Variants in ITPKB observed in about 807,000 individuals in gnomAD.
ITPKB encodes the protein inositol-trisphosphate 3-kinase B.
Under a neutral mutation model 69.4 loss-of-function variants are expected in ITPKB, and 13 were observed. The observed-to-expected ratio is 0.19, with a 90% CI of 0.12 to 0.30. The LOEUF (loss-of-function observed/expected upper bound fraction) is 0.30. ITPKB is among the 10% of genes least tolerant of loss of function. The pLI, the probability that ITPKB is intolerant of heterozygous loss-of-function variation, is 1.00. For synonymous variants in ITPKB, 584 were observed against 513.7 expected (o/e 1.14, Z -1.85); for missense variants, 1,240 against 1,250.5 (o/e 0.99, Z 0.13).
At chr1:226,722,536 A>T (rs755305566) in intron 2 of ITPKB, among the ~76,000 whole-genome samples, 1 of 152,232 alleles carries the variant, frequency 6.6e-6, no homozygotes, top group Non-Finnish European at 1.5e-5. Context: ...ACGCTGCTCC[A>T]TATGGCTTTA....
chr1:226,648,459 G>A (rs1458848282), intron 3 of ITPKB, among the ~76,000 whole-genome samples: 2 of 11,212 alleles, frequency 1.8e-4, no homozygotes, highest in African/African-American at 2.2e-3. Flanking sequence ...ATGTTTTGGA[G>A]GATGGGGTAA....
chr1:226,728,772 T>C (rs1183571257), intron 2 of ITPKB, among the ~76,000 whole-genome samples: 2 of 150,714 alleles, frequency 1.3e-5, no homozygotes, highest in Non-Finnish European at 2.9e-5. Flanking sequence ...AGGTCACACT[T>C]ACTCTCCCCA....
intron 2 of ITPKB, among the ~76,000 whole-genome samples, chr1:226,683,283 C>T (rs1221600458): frequency 6.6e-6 from 1 of 152,220 alleles, no homozygotes; most frequent in Non-Finnish European, 1.5e-5. Context: ...ATTCTTTCTC[C>T]TTTTCCTTTT....
intron 2 of ITPKB, among the ~76,000 whole-genome samples, chr1:226,680,646 G>A (rs114282616): frequency 6.6e-6 from 1 of 152,180 alleles, no homozygotes; most frequent in Non-Finnish European, 1.5e-5. Context: ...GGAAAGAGAT[G>A]GATATTGATG....
At position 226,637,195 on chromosome 1, in the gene ITPKB, T is replaced by TC. The variant is rs778208289; in HGVS notation, c.2625+483dup. Among the ~76,000 whole-genome samples the TC allele has an allele frequency of 9.2e-5, 14 of 152,192 alleles. 1 individual carries two copies. Among genetic ancestry groups the TC allele is most frequent in the Middle Eastern group, 3.4e-3 (1 of 294 alleles). On this transcript the variant is annotated intron_variant, in intron 7 of 7. Coordinates refer to ENST00000429204, the MANE Select transcript of ITPKB (RefSeq NM_002221.4). This position sits in a 1 kb window ranked among gnomAD's most constrained non-coding sequence, Gnocchi z 4.3. ...CAGAGCCTCTCTCAGGTGTCTCAGTTCCCCACCTGCTGCCTGCTGCCCCTG... is the reference window on the plus strand; with the variant it reads ...CAGAGCCTCTCTCAGGTGTCTCAGTTCCCCCACCTGCTGCCTGCTGCCCCTG...
At chr1:226,662,636 T>C (rs1669422072) in intron 2 of ITPKB, among the ~76,000 whole-genome samples, 1 of 152,242 alleles carries the variant, frequency 6.6e-6, no homozygotes, top group Non-Finnish European at 1.5e-5. Flanking sequence ...AAGGGGGTCA[T>C]CCTGGTCTAA....
intron 2 of ITPKB, chr1:226,676,296 G>A (rs920442867): frequency 6.6e-6 from 1 of 152,148 alleles, no homozygotes. Context: ...AAATTCTAAT[G>A]AAGAAAAGCC....
At chr1:226,648,495 C>T (rs1460658313) in intron 3 of ITPKB, among the ~76,000 whole-genome samples, 177 bp downstream of exon 3, 1 of 152,176 alleles carries the variant, frequency 6.6e-6, no homozygotes, top group Non-Finnish European at 1.5e-5. Context: ...GGTCCGTTGT[C>T]TATGGCATTT....
At chr1:226,654,133 G>A (rs144571673) in intron 2 of ITPKB, among the ~76,000 whole-genome samples, 3 of 152,198 alleles carry the variant, frequency 2.0e-5, no homozygotes, top group Admixed American at 6.5e-5. Flanking sequence ...ACTCAAGAGA[G>A]GCCTGGAGAC....
At chr1:226,735,479 C>G in intron 2 of ITPKB, 48 bp downstream of exon 2, 1 of 1,452,252 alleles carries the variant, frequency 6.9e-7, no homozygotes, top group Non-Finnish European at 9.1e-7. Flanking sequence ...CATCAAAAGT[C>G]TGCTGAAATC....
intron 2 of ITPKB, among the ~76,000 whole-genome samples, chr1:226,719,295 G>C (rs1483942223): frequency 1.3e-5 from 2 of 152,128 alleles, no homozygotes; most frequent in Admixed American, 6.5e-5. Context: ...AATTGAATCT[G>C]AATCTCTGAG....
intron 2 of ITPKB, among the ~76,000 whole-genome samples, chr1:226,690,593 C>T (rs536356144): frequency 3.9e-5 from 6 of 152,344 alleles, no homozygotes; most frequent in African/African-American, 1.2e-4. Context: ...AGCCAGTGGG[C>T]AGGGAGAGTT....
At chr1:226,714,626 A>G (rs141931542) in intron 2 of ITPKB, among the ~76,000 whole-genome samples, 2 of 152,322 alleles carry the variant, frequency 1.3e-5, no homozygotes, top group East Asian at 3.9e-4. Context: ...TTTACTCCAG[A>G]TAGTCTTCCT....
intron 4 of ITPKB, among the ~76,000 whole-genome samples, chr1:226,646,887 G>A (rs1223352998): frequency 1.3e-5 from 2 of 152,146 alleles, no homozygotes; most frequent in African/African-American, 4.8e-5. Flanking sequence ...CTCTCTAGGG[G>A]GCCTCAGAAC....
At chr1:226,721,687 G>C (rs906804903) in intron 2 of ITPKB, among the ~76,000 whole-genome samples, 1 of 151,498 alleles carries the variant, frequency 6.6e-6, no homozygotes, top group African/African-American at 2.4e-5. Flanking sequence ...TAGAGACGGG[G>C]TTTCACCATG....
intron 2 of ITPKB, among the ~76,000 whole-genome samples, chr1:226,660,545 G>A (rs1013845487): frequency 2.6e-5 from 4 of 152,146 alleles, no homozygotes; most frequent in African/African-American, 9.7e-5. Context: ...CCTCTCTCCT[G>A]GATTCCATCC....
chr1:226,702,641 C>A (rs1457854483), intron 2 of ITPKB, among the ~76,000 whole-genome samples: 1 of 152,164 alleles, frequency 6.6e-6, no homozygotes, highest in African/African-American at 2.4e-5. Flanking sequence ...AAGAAATGCA[C>A]GAAATACAAC....
chr1:226,646,626 G>A (rs1276048539), intron 4 of ITPKB, among the ~76,000 whole-genome samples: 1 of 152,190 alleles, frequency 6.6e-6, no homozygotes, highest in African/African-American at 2.4e-5. Context: ...GACCTGCCAT[G>A]TGGGTTTCTT....
chr1:226,691,311 C>T (rs1656344946), intron 2 of ITPKB, among the ~76,000 whole-genome samples: 1 of 152,062 alleles, frequency 6.6e-6, no homozygotes, highest in African/African-American at 2.4e-5. Context: ...AAACTCTGGG[C>T]ACATGCATAT....
Sources: allele counts gnomAD v4.1 joint callset (sites outside exome capture counted in the v4.1 genomes callset), GRCh38; gene constraint gnomAD v4.1.1; non-coding constraint Gnocchi (gnomAD v3.1); transcripts MANE v1.5; gene names NCBI Gene and HGNC (gene_info 2026-07-23, HGNC 2026-07-21).